The following SGMS2 variants were observed in gnomAD, a reference collection of about 807,000 sequenced individuals.
SGMS2 encodes the protein sphingomyelin synthase 2.
A neutral mutation model predicts 43.8 loss-of-function variants in SGMS2; 21 were observed. The ratio of observed to expected loss-of-function variants is 0.48; its 90% CI spans 0.34 to 0.69. SGMS2 has a LOEUF of 0.69. SGMS2 is among the 30% of genes least tolerant of loss of function. The pLI is 0.01. For synonymous variants in SGMS2, 167 were observed against 160.6 expected (o/e 1.04, Z -0.30); for missense variants, 384 against 443.2 (o/e 0.87, Z 1.20).
intron 2 of SGMS2, among the ~76,000 whole-genome samples, chr4:107,878,967 CTACACTGT>C (rs1729131668): frequency 6.6e-6 from 1 of 152,152 alleles, no homozygotes. Flanking sequence ...TCCCTGTGTG[CTACACTGT>C]GGACTGCAGA....
chr4:107,901,061 A>G (rs994863117), intron 4 of SGMS2, among the ~76,000 whole-genome samples: 4 of 152,182 alleles, frequency 2.6e-5, no homozygotes, highest in African/African-American at 9.6e-5. Context: ...ATGAATTGCT[A>G]TGATTACAGA....
At chr4:107,841,668 G>A (rs1726512800) in intron 1 of SGMS2, among the ~76,000 whole-genome samples, 1 of 151,720 alleles carries the variant, frequency 6.6e-6, no homozygotes, top group African/African-American at 2.4e-5. Context: ...TATACTTATG[G>A]CCTTTTTTTT....
rs576013895 is a variant in SGMS2, at chr4:107,885,046, T to G, written c.-244-10264T>G. ...TGGCAGTTTCATTAGTTCATTTGTT[T>G]AGGGTACCATGCCAGAGTGCAAAGC... On this transcript the variant is annotated intron_variant, in intron 2 of 6. Transcript: ENST00000690982. Among the ~76,000 whole-genome samples the G allele has an allele frequency of 2.6e-3, 398 of 152,306 alleles. 4 individuals carry two copies. Among genetic ancestry groups the G allele is most frequent in the South Asian group, 0.012 (56 of 4,826 alleles).
chr4:107,877,646 A>G (rs918541235), intron 2 of SGMS2, among the ~76,000 whole-genome samples: 1 of 152,214 alleles, frequency 6.6e-6, no homozygotes, highest in African/African-American at 2.4e-5. Flanking sequence ...AAATGATTCT[A>G]GTGACCACAT....
At chr4:107,842,378 G>A (rs1726568337) in intron 1 of SGMS2, among the ~76,000 whole-genome samples, 1 of 152,146 alleles carries the variant, frequency 6.6e-6, no homozygotes, top group Non-Finnish European at 1.5e-5. Context: ...AAGAGAGAGA[G>A]GAGCGAGGTG....
chr4:107,827,030 T>A (rs1412814172), intron 1 of SGMS2, among the ~76,000 whole-genome samples: 1 of 152,224 alleles, frequency 6.6e-6, no homozygotes, highest in Non-Finnish European at 1.5e-5. Flanking sequence ...TTTGTGGGAC[T>A]TTAAACAAAA....
At position 107,913,886 on chromosome 4, in the gene SGMS2, G is replaced by C. The variant is rs759291813; in HGVS notation, c.*3333G>C. On this transcript the variant is annotated 3_prime_UTR_variant, in exon 7 of 7. Coordinates refer to ENST00000690982, the MANE Select transcript of SGMS2 (RefSeq NM_001375905.1). ...TCACATCTTGCCCCTTGAATAGTTTGAACATTTCTTTCTTAATTCTTTTTT... is the reference window on the plus strand; with the variant it reads ...TCACATCTTGCCCCTTGAATAGTTTCAACATTTCTTTCTTAATTCTTTTTT... The C allele has an allele frequency of 1.3e-5, 2 of 151,988 alleles. No homozygotes were observed. The highest frequency in any genetic ancestry group is 2.9e-5 in the Non-Finnish European group (2 of 67,950). 9.4% of individuals were successfully genotyped at this position (151,988 alleles called of 1,614,324 possible). A position where few individuals can be genotyped will look rare whatever the true frequency, so the allele number is the denominator to read the frequency against.
intron 2 of SGMS2, among the ~76,000 whole-genome samples, chr4:107,872,321 G>T (rs1296152185): frequency 6.6e-6 from 1 of 152,018 alleles, no homozygotes; most frequent in Non-Finnish European, 1.5e-5. Flanking sequence ...TAAGCCTGGT[G>T]AGCCTAATTG....
chr4:107,845,104 A>G (rs1222659156), intron 1 of SGMS2, among the ~76,000 whole-genome samples: 3 of 152,194 alleles, frequency 2.0e-5, no homozygotes, highest in East Asian at 1.9e-4. Context: ...AGGAAAAATG[A>G]GACAAGAGGC....
intron 3 of SGMS2, 39 bp downstream of exon 3, chr4:107,896,047 T>G (rs772145788): frequency 1.5e-5 from 24 of 1,557,214 alleles, no homozygotes; most frequent in Non-Finnish European, 2.1e-5. Context: ...GTCATGGGTT[T>G]GTTTTTGAGT....
At chr4:107,829,160 C>T (rs887223265) in intron 1 of SGMS2, among the ~76,000 whole-genome samples, 1 of 152,184 alleles carries the variant, frequency 6.6e-6, no homozygotes, top group Non-Finnish European at 1.5e-5. Flanking sequence ...AAATAGGTCA[C>T]CTGTTTTTTA....
At chr4:107,856,607 G>T (rs1425636295) in intron 1 of SGMS2, among the ~76,000 whole-genome samples, 4 of 152,180 alleles carry the variant, frequency 2.6e-5, no homozygotes, top group Non-Finnish European at 5.9e-5. Flanking sequence ...TCGAGAGAGG[G>T]TGATAACCGG....
At chr4:107,860,340 G>A (rs891942108) in intron 2 of SGMS2, among the ~76,000 whole-genome samples, 1 of 152,008 alleles carries the variant, frequency 6.6e-6, no homozygotes. Flanking sequence ...GTGATCTATT[G>A]ATGGACAACA....
At position 107,875,150 on chromosome 4, in the gene SGMS2, G is replaced by A. The variant is rs1357369388; in HGVS notation, c.-245+16597G>A. Among the ~76,000 whole-genome samples the A allele has an allele frequency of 6.6e-5, 10 of 152,136 alleles. No homozygotes were observed. The East Asian group carries it at 1.7e-3, about 26-fold the overall frequency. On this transcript the variant is annotated intron_variant, in intron 2 of 6. Transcript: ENST00000690982. The stretch of plus-strand genomic sequence containing the variant: ...GGCTTATTTAGTCACTCATGCAAAA[G>A]CAACTCTGGAAAAACAGCCCTGCAT...
chr4:107,860,236 T>C (rs1221462990), intron 2 of SGMS2, among the ~76,000 whole-genome samples: 2 of 152,166 alleles, frequency 1.3e-5, no homozygotes. Context: ...GTAGGAGGAC[T>C]TAATAAGCTA....
Position 107,895,477 on chromosome 4 carries a change from A to G in SGMS2, c.-77A>G. The G allele has an allele frequency of 1.4e-6, 2 of 1,403,902 alleles. No homozygotes were observed. The highest frequency in any genetic ancestry group is 1.9e-6 in the Non-Finnish European group (2 of 1,029,422). The allele number at this position is 1,403,902 out of a possible 1,614,324, so 87.0% of individuals were successfully genotyped here. Reference sequence around the variant, plus strand: ...GAGTCCATGTTGATCTTGGAAATAGAAGGATTGAAAAAAGCTAAATTTCCA... The same window carrying G: ...GAGTCCATGTTGATCTTGGAAATAGGAGGATTGAAAAAAGCTAAATTTCCA... On this transcript the variant is annotated 5_prime_UTR_variant, in exon 3 of 7. Transcript: ENST00000690982.
At chr4:107,826,365 T>C (rs1361562013) in intron 1 of SGMS2, among the ~76,000 whole-genome samples, 4 of 152,162 alleles carry the variant, frequency 2.6e-5, no homozygotes, top group Non-Finnish European at 5.9e-5. Context: ...GTTCCTTAGA[T>C]TGGGAAGTGA....
At chr4:107,862,560 A>G (rs1054955429) in intron 2 of SGMS2, among the ~76,000 whole-genome samples, 3 of 152,144 alleles carry the variant, frequency 2.0e-5, no homozygotes, top group Admixed American at 1.3e-4. Flanking sequence ...AAAACTCTGT[A>G]GGAAAAATAG....
chr4:107,903,968 TG>T (rs1731344731), intron 5 of SGMS2, among the ~76,000 whole-genome samples: 1 of 152,218 alleles, frequency 6.6e-6, no homozygotes, highest in African/African-American at 2.4e-5. Flanking sequence ...AGAAATGTGG[TG>T]GCAAGAAATA....
Sources: gnomAD v4.1 joint callset for allele counts (sites outside exome capture counted in the v4.1 genomes callset) on GRCh38, gnomAD v4.1.1 for gene constraint, MANE v1.5 for transcripts, NCBI Gene and HGNC (gene_info 2026-07-23, HGNC 2026-07-21) for gene names.